The following GRIN2A variants were observed in gnomAD, a reference collection of about 807,000 sequenced individuals.
GRIN2A encodes the protein glutamate receptor ionotropic, NMDA 2A.
In GRIN2A, 22 loss-of-function variants were observed where a neutral mutation model predicts 113.4. The observed-to-expected ratio is 0.19, with a 90% CI of 0.14 to 0.28. GRIN2A has a LOEUF of 0.28. Among genes scored for constraint, GRIN2A ranks in the 10% least tolerant of loss-of-function variants. GRIN2A has a pLI of 1.00. For missense variants in GRIN2A, 1,502 were observed against 1,887.0 expected, an observed-to-expected ratio of 0.80 and a Z score of 3.78; for synonymous variants, 827 against 738.4, an observed-to-expected ratio of 1.12 and a Z score of -1.94.
intron 2 of GRIN2A, among the ~76,000 whole-genome samples, chr16:9,966,810 T>G (rs1300128444): frequency 1.3e-5 from 2 of 152,186 alleles, no homozygotes; most frequent in African/African-American, 4.8e-5. Flanking sequence ...TGCCCCTCAC[T>G]TTCTGATTCA....
chr16:9,995,748 G>C (rs2046210744), intron 2 of GRIN2A, among the ~76,000 whole-genome samples: 1 of 151,986 alleles, frequency 6.6e-6, no homozygotes, highest in African/African-American at 2.4e-5. Flanking sequence ...CTTTGAGTGG[G>C]TCCCCCTATA....
At position 10,176,263 on chromosome 16, in the gene GRIN2A, C is replaced by T. The variant is rs559541145; in HGVS notation, c.414+3735G>A. On this transcript the variant is annotated intron_variant, in intron 2 of 12. Coordinates refer to ENST00000330684, the MANE Select transcript of GRIN2A (RefSeq NM_001134407.3). Reference sequence around the variant, plus strand: ...CAGGTGATCCACCCGCCTTGGCCTCCCAAAGTGCTAGGATTACAGGTGTGA... The same window carrying T: ...CAGGTGATCCACCCGCCTTGGCCTCTCAAAGTGCTAGGATTACAGGTGTGA... 1.4e-4 allele frequency among the ~76,000 whole-genome samples: 21 copies of T among 152,100 alleles called. No homozygotes were observed. The South Asian group carries it at 4.4e-3, about 32-fold the overall frequency.
chr16:10,075,963 T>C (rs2047864912), intron 2 of GRIN2A, among the ~76,000 whole-genome samples: 1 of 152,222 alleles, frequency 6.6e-6, no homozygotes, highest in Non-Finnish European at 1.5e-5. Context: ...ACTATGCTTC[T>C]AGACAGTGAG....
At chr16:9,821,465 C>A (rs1436189876) in intron 10 of GRIN2A, among the ~76,000 whole-genome samples, 1 of 152,136 alleles carries the variant, frequency 6.6e-6, no homozygotes, top group African/African-American at 2.4e-5. Context: ...GGACAGACGT[C>A]TCCATTGTCA....
intron 2 of GRIN2A, among the ~76,000 whole-genome samples, chr16:10,118,391 A>G (rs1303959631): frequency 6.6e-6 from 1 of 152,046 alleles, no homozygotes; most frequent in Non-Finnish European, 1.5e-5. Flanking sequence ...TCCCGCCCCG[A>G]TACTTGCGAC....
intron 4 of GRIN2A, among the ~76,000 whole-genome samples, chr16:9,871,369 G>T (rs936117443): frequency 1.3e-4 from 19 of 151,016 alleles, no homozygotes; most frequent in Admixed American, 7.3e-4. Flanking sequence ...CTAAAACTTT[G>T]GACCCAGGTC....
intron 2 of GRIN2A, among the ~76,000 whole-genome samples, chr16:10,050,090 G>A (rs554554585): frequency 6.6e-6 from 1 of 152,310 alleles, no homozygotes; most frequent in African/African-American, 2.4e-5. Flanking sequence ...AGAAGTGATT[G>A]AGGATCTTGA....
chr16:10,139,346 G>A (rs557495631), intron 2 of GRIN2A, among the ~76,000 whole-genome samples: 40 of 152,280 alleles, frequency 2.6e-4, no homozygotes, highest in Non-Finnish European at 1.5e-5. Context: ...AGAGGAGAGG[G>A]AAATGTCTCT....
intron 2 of GRIN2A, among the ~76,000 whole-genome samples, chr16:10,125,031 A>G (rs948093803): frequency 1.3e-5 from 2 of 152,174 alleles, no homozygotes; most frequent in Non-Finnish European, 2.9e-5. Flanking sequence ...CAAAGCCCCA[A>G]AAAAGCACGT....
chr16:9,787,650 A>G (rs1902311788), intron 11 of GRIN2A, among the ~76,000 whole-genome samples: 1 of 152,226 alleles, frequency 6.6e-6, no homozygotes, highest in South Asian at 2.1e-4. Flanking sequence ...ATGGATAAAT[A>G]CATACAAGGA....
At chr16:9,997,558 C>T (rs919772486) in intron 2 of GRIN2A, among the ~76,000 whole-genome samples, 3 of 152,330 alleles carry the variant, frequency 2.0e-5, no homozygotes, top group Non-Finnish European at 2.9e-5. Flanking sequence ...CATCCCTAAT[C>T]TCAACTCATC....
intron 2 of GRIN2A, among the ~76,000 whole-genome samples, chr16:10,040,988 C>T (rs767375984): frequency 5.2e-4 from 79 of 152,388 alleles, no homozygotes; most frequent in Non-Finnish European, 1.0e-3. Flanking sequence ...CTGCCTCCAC[C>T]TGACATCAAA....
At chr16:10,059,995 C>A (rs2047523630) in intron 2 of GRIN2A, among the ~76,000 whole-genome samples, 2 of 151,938 alleles carry the variant, frequency 1.3e-5, no homozygotes, top group Non-Finnish European at 1.5e-5. Context: ...GAGACATTAC[C>A]AAAGTTCAGA....
rs767931048 is a variant in GRIN2A, at chr16:9,761,816, G to A, written c.*1333C>T. ...ACTCAGAAATGACAAATACTTTGAG[G>A]AATTTTTCCTACATCTCTGTTGGTG... On this transcript the variant is annotated 3_prime_UTR_variant, in exon 13 of 13. Coordinates refer to ENST00000330684, the MANE Select transcript of GRIN2A (RefSeq NM_001134407.3). 1 of 205,106 alleles carries A rather than the reference G, an allele frequency of 4.9e-6. No individual in the cohort carries two copies. Among genetic ancestry groups the A allele is most frequent in the Non-Finnish European group, 1.0e-5 (1 of 100,434 alleles). 12.7% of individuals were successfully genotyped at this position (205,106 alleles called of 1,614,324 possible). A position where few individuals can be genotyped will look rare whatever the true frequency, so the allele number is the denominator to read the frequency against.
chr16:9,984,299 A>G (rs2141788369), intron 2 of GRIN2A, among the ~76,000 whole-genome samples: 2 of 152,002 alleles, frequency 1.3e-5, no homozygotes, highest in South Asian at 4.2e-4. Context: ...TAGTTTGCAA[A>G]TATTTTCTCT....
In GRIN2A at chr16:9,768,968, G is replaced by T. The variant is rs373628160; in HGVS notation, c.2478C>A (p.Ala826=). The T allele has an allele frequency of 1.2e-6, 2 of 1,613,946 alleles. No individual in the cohort carries two copies. The highest frequency in any genetic ancestry group is 3.3e-5 in the Admixed American group (2 of 60,012). The change falls in exon 12 of 13, where the codon GCC becomes GCA. Residue 826 remains alanine, a synonymous_variant. Transcript: ENST00000330684. Reference sequence around the variant, plus strand: ...AGGTGATGAGGCTAAGGGCCATGGCGGCAGCCAGCATGTAGAATACGCCCG... The same window carrying T: ...AGGTGATGAGGCTAAGGGCCATGGCTGCAGCCAGCATGTAGAATACGCCCG... ...NMAGVFYMLA[A]AMALSLITFI... is the part of the protein sequence containing the mutation.
At chr16:10,033,932 CT>C (rs1204031843) in intron 2 of GRIN2A, 1 of 152,338 alleles carries the variant, frequency 6.6e-6, no homozygotes. Context: ...CTTCCTTCTC[CT>C]GCCTTCTTGG....
At chr16:10,019,102 T>C (rs1393242710) in intron 2 of GRIN2A, among the ~76,000 whole-genome samples, 1 of 110,014 alleles carries the variant, frequency 9.1e-6, no homozygotes, top group Admixed American at 9.0e-5. Context: ...TTTGTGACCT[T>C]GAGCAAATTG....
At position 9,981,452 on chromosome 16, in the gene GRIN2A, T is replaced by A. The variant is rs574814999; in HGVS notation, c.415-42901A>T. 9.2e-4 allele frequency among the ~76,000 whole-genome samples: 140 copies of A among 152,210 alleles called. 1 individual carries two copies. The highest frequency in any genetic ancestry group is 1.6e-3 in the Non-Finnish European group (112 of 68,040). On this transcript the variant is annotated intron_variant, in intron 2 of 12. Transcript: ENST00000330684. ...AAATAGTATAACAAACCCCCATGTA[T>A]CCTCCACTCAATTTTAACTATTTTC... is the stretch of plus-strand genomic sequence containing the variant.
Sources: allele counts gnomAD v4.1 joint callset (sites outside exome capture counted in the v4.1 genomes callset), GRCh38; gene constraint gnomAD v4.1.1; transcripts MANE v1.5; gene names NCBI Gene and HGNC (gene_info 2026-07-23, HGNC 2026-07-21).